Variants in CEP295 observed in about 807,000 individuals in gnomAD.
The protein encoded by CEP295 is centrosomal protein 295.
In CEP295, 190 loss-of-function variants were observed where a neutral mutation model predicts 291.6. The observed-to-expected ratio is 0.65, with a 90% CI of 0.58 to 0.73. The LOEUF is 0.73. Among genes scored for constraint, CEP295 ranks in the 30% least tolerant of loss-of-function variants. The pLI, the probability that CEP295 is intolerant of heterozygous loss-of-function variation, is 0.00. For synonymous variants in CEP295, 993 were observed against 1,038.8 expected (o/e 0.96, Z 0.85); for missense variants, 2,863 against 2,949.4 (o/e 0.97, Z 0.68).
chr11:93,687,901 C>T, intron 10 of CEP295, 36 bp downstream of exon 10: 1 of 1,440,288 alleles, frequency 6.9e-7, no homozygotes, highest in East Asian at 2.5e-5. Context: ...TCTATAAACC[C>T]TTTTAAGTTG....
At chr11:93,664,260 CA>C (rs1950113239) in intron 1 of CEP295, among the ~76,000 whole-genome samples, 1 of 152,050 alleles carries the variant, frequency 6.6e-6, no homozygotes, top group Non-Finnish European at 1.5e-5. Flanking sequence ...TTCTCACTCT[CA>C]AAAAACAACA....
intron 9 of CEP295, among the ~76,000 whole-genome samples, chr11:93,685,538 GA>G (rs148697175): frequency 1.3e-5 from 2 of 151,934 alleles, no homozygotes; most frequent in Non-Finnish European, 2.9e-5. Flanking sequence ...AGCAACTGGG[GA>G]AAAAAAAGCA....
chr11:93,666,915 T>G, intron 2 of CEP295, 100 bp downstream of exon 2: 1 of 674,862 alleles, frequency 1.5e-6, no homozygotes. Flanking sequence ...TAAAAACCTC[T>G]TCTGGGTATA....
intron 5 of CEP295, among the ~76,000 whole-genome samples, chr11:93,669,998 A>G (rs1241832011): frequency 6.6e-6 from 1 of 152,152 alleles, no homozygotes; most frequent in Non-Finnish European, 1.5e-5. Flanking sequence ...TCTTAGTATA[A>G]TACTAATATT....
At chr11:93,729,081 A>G in intron 25 of CEP295, 1 of 498,332 alleles carries the variant, frequency 2.0e-6, no homozygotes, top group Non-Finnish European at 3.5e-6. Flanking sequence ...TATAGTGCCA[A>G]GTTGGAAGTT....
chr11:93,675,387 C>G (rs1950637707), intron 5 of CEP295, among the ~76,000 whole-genome samples, 184 bp from the exon 6 acceptor site: 1 of 152,036 alleles, frequency 6.6e-6, no homozygotes, highest in African/African-American at 2.4e-5. Flanking sequence ...ACTGATGAAT[C>G]TGGTACTTTT....
chr11:93,667,329 T>C (rs1348800377), intron 2 of CEP295, among the ~76,000 whole-genome samples: 1 of 152,246 alleles, frequency 6.6e-6, no homozygotes, highest in African/African-American at 2.4e-5. Flanking sequence ...TCGCTTTAGC[T>C]TTTATAGGTT....
chr11:93,694,678 T>C (rs1409811410), intron 12 of CEP295, among the ~76,000 whole-genome samples: 1 of 152,228 alleles, frequency 6.6e-6, no homozygotes, highest in Non-Finnish European at 1.5e-5. Context: ...AGCATGGATA[T>C]GCTGGACAAA....
rs187254417 is a variant in CEP295 at position 93,700,103 on chromosome 11, T to A, written c.5191T>A (p.Leu1731Met). ...TTATAGCCAGAAAGCCCAGGAAAAA[T>A]TGCTTGTACAGAGACAAACAGCATT... ...LHYSQKAQEK[L>M]LVQRQTALQQ... The change falls in exon 15 of 30, where the codon TTG becomes ATG. Residue 1731 changes from leucine to methionine, a missense_variant. Coordinates refer to ENST00000325212, the MANE Select transcript of CEP295 (RefSeq NM_033395.2). 3.2e-6 allele frequency: 5 copies of A among 1,551,588 alleles called. No homozygotes were observed. The African/African-American group carries it at 5.5e-5, about 17-fold the overall frequency.
chr11:93,696,434 A>G lies in CEP295; in HGVS notation c.1769+17A>G, dbSNP rs1356020350. On this transcript the variant is annotated intron_variant, in intron 14 of 29. Coordinates refer to ENST00000325212, the MANE Select transcript of CEP295 (RefSeq NM_033395.2). ...ACAAAACAGGTATTAGCTAGGGTAT[A>G]ATTTATATGTGATCGTATGTGGCTA... is the stretch of plus-strand genomic sequence containing the variant. The G allele has an allele frequency of 7.8e-6, 11 of 1,410,576 alleles. No individual in the cohort carries two copies. The highest frequency in any genetic ancestry group is 1.1e-5 in the Non-Finnish European group (11 of 1,023,140). The allele number at this position is 1,410,576 out of a possible 1,614,324, so 87.4% of individuals were successfully genotyped here. A position where few individuals can be genotyped will look rare whatever the true frequency, so the allele number is the denominator to read the frequency against.
In CEP295 at chr11:93,699,435, T is replaced by C; in HGVS notation, c.4523T>C (p.Leu1508Pro). 1 of 1,551,776 alleles carries C rather than the reference T, an allele frequency of 6.4e-7. No individual in the cohort carries two copies. Among genetic ancestry groups the C allele is most frequent in the Non-Finnish European group, 8.7e-7 (1 of 1,147,002 alleles). Residue 1508 changes from leucine to proline, a missense_variant, in exon 15 of 30, where the codon CTT becomes CCT. This residue lies in a region of CEP295 where 2,295 missense variants were observed against 2,335.7 expected (regional missense o/e 0.98). Transcript: ENST00000325212. Reference protein sequence around the residue: ...IQSHHGDLQALQQQLDTQKKA... With the variant: ...IQSHHGDLQAPQQQLDTQKKA... ...TCTCACCATGGTGATTTGCAGGCACTTCAACAGCAGTTAGATACACAGAAG... is the reference window on the plus strand; with the variant it reads ...TCTCACCATGGTGATTTGCAGGCACCTCAACAGCAGTTAGATACACAGAAG...
intron 6 of CEP295, among the ~76,000 whole-genome samples, chr11:93,678,034 C>G (rs1194722354): frequency 1.3e-5 from 2 of 151,978 alleles, no homozygotes; most frequent in Non-Finnish European, 2.9e-5. Flanking sequence ...TTTCTCTAAC[C>G]CTTTATTCAT....
chr11:93,730,259 A>G lies in CEP295; in HGVS notation c.7796A>G (p.Asn2599Ser). The G allele has an allele frequency of 6.5e-7, 1 of 1,549,256 alleles. No homozygotes were observed. Among genetic ancestry groups the G allele is most frequent in the Non-Finnish European group, 8.7e-7 (1 of 1,145,318 alleles). The change falls in exon 30 of 30, where the codon AAT (asparagine) becomes AGT (serine). Residue 2599 changes from asparagine (N) to serine (S), a missense_variant. Asn to Ser is a conservative substitution (Grantham distance 46, BLOSUM62 1). Transcript: ENST00000325212. ...KKTLEKLRAKNTC is the reference protein window; with the variant it reads ...KKTLEKLRAKSTC ...ACACTAGAGAAACTTCGAGCCAAAAATACATGCTGACTTTCTAGAAATAGT... is the reference window on the plus strand; with the variant it reads ...ACACTAGAGAAACTTCGAGCCAAAAGTACATGCTGACTTTCTAGAAATAGT...
At chr11:93,674,119 T>A (rs1950576651) in intron 5 of CEP295, among the ~76,000 whole-genome samples, 1 of 151,978 alleles carries the variant, frequency 6.6e-6, no homozygotes, top group South Asian at 2.1e-4. Flanking sequence ...TGTGCTACCA[T>A]GCCCATCTAA....
In CEP295 at chr11:93,690,166, C is replaced by G. The variant is rs541267056; in HGVS notation, c.1337-1517C>G. Among the ~76,000 whole-genome samples the G allele has an allele frequency of 3.1e-4, 47 of 152,330 alleles. 1 individual carries two copies. The South Asian group carries it at 9.5e-3, about 31-fold the overall frequency. On this transcript the variant is annotated intron_variant, in intron 10 of 29. Coordinates refer to ENST00000325212, the MANE Select transcript of CEP295 (RefSeq NM_033395.2). ...GTGGCTCACACCTGTAATCCCAGCA[C>G]TTTGGGAGGCCCAGGCGGGCAGATG...
chr11:93,703,244 G>A (rs567713193), intron 17 of CEP295, among the ~76,000 whole-genome samples: 14 of 152,076 alleles, frequency 9.2e-5, no homozygotes, highest in African/African-American at 2.7e-4. Context: ...GATTACAGGC[G>A]TGAGCTACCG....
chr11:93,698,362 T>A lies in CEP295; in HGVS notation c.3450T>A (p.Leu1150=). ...TCCCAACATTTCAGGATAAGTCTCT[T>A]AGTTTTCCACAGCATAGCCTGGCAC... The part of the protein sequence containing the change: ...LIIPTFQDKS[L]SFPQHSLAQQ... The change falls in exon 15 of 30, where the codon CTT becomes CTA. Residue 1150 remains leucine, a synonymous_variant. Coordinates refer to ENST00000325212, the MANE Select transcript of CEP295 (RefSeq NM_033395.2). The A allele has an allele frequency of 6.4e-7, 1 of 1,552,186 alleles. No homozygotes were observed. Among genetic ancestry groups the A allele is most frequent in the Non-Finnish European group, 8.7e-7 (1 of 1,147,096 alleles).
intron 3 of CEP295, 94 bp downstream of exon 3, chr11:93,667,901 T>A: frequency 1.2e-6 from 1 of 867,218 alleles, no homozygotes; most frequent in East Asian, 2.7e-5. Flanking sequence ...AACATTTTCA[T>A]GCATTGAATT....
At chr11:93,713,242 A>G (rs538184410) in intron 18 of CEP295, among the ~76,000 whole-genome samples, 2 of 152,308 alleles carry the variant, frequency 1.3e-5, no homozygotes, top group East Asian at 3.9e-4. Context: ...ACACAAAACA[A>G]TTACAGTTTT....
Sources: allele counts gnomAD v4.1 joint callset (sites outside exome capture counted in the v4.1 genomes callset), GRCh38; gene constraint gnomAD v4.1.1; regional missense constraint gnomAD v4.1.1; transcripts MANE v1.5; gene names NCBI Gene and HGNC (gene_info 2026-07-23, HGNC 2026-07-21).